The following CLVS1 variants were observed in gnomAD, a reference collection of about 807,000 sequenced individuals.
CLVS1 encodes clavesin-1.
CLVS1 carries 10 observed loss-of-function variants against 33.1 expected under a neutral mutation model. That is an observed-to-expected ratio of 0.30 (90% CI 0.19 to 0.51). CLVS1 has a LOEUF of 0.51. CLVS1 is among the 20% of genes least tolerant of loss of function. CLVS1 has a pLI of 0.97. For synonymous variants in CLVS1, 163 were observed against 166.1 expected, an observed-to-expected ratio of 0.98 and a Z score of 0.14; for missense variants, 343 against 433.4, an observed-to-expected ratio of 0.79 and a Z score of 1.85.
the CLVS1 span, among the ~76,000 whole-genome samples, chr8:60,972,892 A>G: frequency 2.0e-5 from 3 of 152,194 alleles, no homozygotes; most frequent in Non-Finnish European, 2.9e-5. Flanking sequence ...AACTCTCTCT[A>G]TTGCAATTCC....
At chr8:61,459,736 C>T (rs1433445839) in intron 5 of CLVS1, among the ~76,000 whole-genome samples, 7 of 152,172 alleles carry the variant, frequency 4.6e-5, no homozygotes, top group Admixed American at 3.9e-4. Context: ...TACATCTATA[C>T]ACACCCATAA....
upstream of CLVS1, among the ~76,000 whole-genome samples, chr8:61,283,046 G>A (rs71525447): frequency 7.7e-3 from 1,176 of 152,298 alleles, 9 homozygotes; most frequent in Non-Finnish European, 0.012. Context: ...TCCTCCAGAG[G>A]AGTACTGGTC....
intron 2 of CLVS1, among the ~76,000 whole-genome samples, chr8:61,180,087 C>T (rs1317082890): frequency 6.6e-6 from 1 of 151,742 alleles, no homozygotes; most frequent in Non-Finnish European, 1.5e-5. Context: ...ATAGATAGAC[C>T]ACTAGGTAGA....
intron 3 of CLVS1, among the ~76,000 whole-genome samples, chr8:61,441,205 T>C (rs995083738): frequency 6.6e-6 from 1 of 152,186 alleles, no homozygotes; most frequent in Non-Finnish European, 1.5e-5. Flanking sequence ...ACTGAATAGA[T>C]AAAGCCTAAC....
the CLVS1 span, among the ~76,000 whole-genome samples, chr8:61,019,169 G>A: frequency 2.0e-5 from 3 of 152,344 alleles, no homozygotes; most frequent in East Asian, 5.8e-4. Context: ...AAAGTCAGCT[G>A]GGCTTCTAAA....
Position 61,214,212 on chromosome 8 carries a change from G to A in CLVS1, c.-152+82352G>A, listed in dbSNP as rs980410201. Among the ~76,000 whole-genome samples, 11 of 152,126 alleles carry A rather than the reference G, an allele frequency of 7.2e-5. No homozygotes were observed. The East Asian group carries it at 1.7e-3, about 24-fold the overall frequency. On this transcript the variant is annotated intron_variant, in intron 2 of 2. Transcript: ENST00000522621. Reference sequence around the variant, plus strand: ...CTCGGTCCTGTGGTCCTGTGATCTCGCCCTGCCTCCACTTGCCTTGTGATA... The same window carrying A: ...CTCGGTCCTGTGGTCCTGTGATCTCACCCTGCCTCCACTTGCCTTGTGATA...
rs186101387 is a variant in CLVS1, at chr8:61,439,344, T to C, written c.631-14797T>C. ...TAACCATAATGTATTTGGTATTTAA[T>C]AGTCAAACATAAACCCTTTTTAAGG... On this transcript the variant is annotated intron_variant, in intron 3 of 5. Coordinates refer to ENST00000325897, the MANE Select transcript of CLVS1 (RefSeq NM_173519.3). Among the ~76,000 whole-genome samples, 303 of 152,334 alleles carry C rather than the reference T, an allele frequency of 2.0e-3. 1 individual carries two copies. The highest frequency in any genetic ancestry group is 6.8e-3 in the African/African-American group (281 of 41,586).
chr8:61,488,282 T>TATA, intron 5 of CLVS1, among the ~76,000 whole-genome samples: 1 of 152,224 alleles, frequency 6.6e-6, no homozygotes. Flanking sequence ...CTAAGGCTTC[T>TATA]ATACATCTCA....
chr8:61,293,554 G>T (rs1053144147), intron 1 of CLVS1, among the ~76,000 whole-genome samples: 8 of 152,066 alleles, frequency 5.3e-5, no homozygotes, highest in East Asian at 3.9e-4. Context: ...CACTTAAAAA[G>T]AAATATTTTT....
intron 3 of CLVS1, chr8:61,377,381 A>G (rs1214653315): frequency 2.0e-5 from 3 of 152,230 alleles, no homozygotes; most frequent in Non-Finnish European, 4.4e-5. Context: ...ATGAGAAGTA[A>G]CTCAGAAAGG....
chr8:61,386,808 T>C (rs946439691), intron 3 of CLVS1, among the ~76,000 whole-genome samples: 5 of 152,072 alleles, frequency 3.3e-5, no homozygotes, highest in African/African-American at 1.2e-4. Context: ...CCTATTAGTC[T>C]GGCACTTAAA....
intron 2 of CLVS1, among the ~76,000 whole-genome samples, chr8:61,352,241 A>T (rs1443185386): frequency 6.6e-6 from 1 of 152,034 alleles, no homozygotes; most frequent in Admixed American, 6.6e-5. Flanking sequence ...GCCTAGAGCA[A>T]TCACTATGAA....
intron 2 of CLVS1, among the ~76,000 whole-genome samples, chr8:61,316,466 T>C (rs898992193): frequency 3.3e-5 from 5 of 152,194 alleles, no homozygotes; most frequent in African/African-American, 1.2e-4. Flanking sequence ...AAGAGTATAA[T>C]TCTGTGGCAT....
intron 2 of CLVS1, among the ~76,000 whole-genome samples, chr8:61,184,572 A>G (rs557165898): frequency 1.8e-4 from 27 of 152,208 alleles, no homozygotes; most frequent in Admixed American, 1.8e-3. Context: ...CCTGTGGGGC[A>G]CTAGACTGTC....
chr8:61,419,777 G>A (rs1034932791), intron 3 of CLVS1, among the ~76,000 whole-genome samples: 1 of 152,204 alleles, frequency 6.6e-6, no homozygotes, highest in South Asian at 2.1e-4. Flanking sequence ...ATAGCGTCCT[G>A]ATTCCAGATG....
At chr8:61,198,993 T>C (rs1425472650) in intron 2 of CLVS1, among the ~76,000 whole-genome samples, 1 of 152,212 alleles carries the variant, frequency 6.6e-6, no homozygotes, top group Non-Finnish European at 1.5e-5. Flanking sequence ...GTTAATTCTA[T>C]ATCTTTACAA....
At chr8:61,292,572 T>C in intron 1 of CLVS1, 1 of 331,526 alleles carries the variant, frequency 3.0e-6, no homozygotes, top group African/African-American at 2.1e-5. Flanking sequence ...TTTGTTTGTT[T>C]GTTTTCCTTT....
intron 3 of CLVS1, among the ~76,000 whole-genome samples, chr8:61,402,713 T>A (rs1299226725): frequency 6.6e-6 from 1 of 152,226 alleles, no homozygotes; most frequent in African/African-American, 2.4e-5. Context: ...AGAATCCATG[T>A]GCTCAAGGAA....
chr8:61,440,884 T>G (rs1012765573), intron 3 of CLVS1, among the ~76,000 whole-genome samples: 2 of 152,064 alleles, frequency 1.3e-5, no homozygotes, highest in African/African-American at 4.8e-5. Context: ...AGATACGGAG[T>G]GGTTGCCCAG....
Sources: gnomAD v4.1 joint callset for allele counts (sites outside exome capture counted in the v4.1 genomes callset) on GRCh38, gnomAD v4.1.1 for gene constraint, MANE v1.5 for transcripts, NCBI Gene and HGNC (gene_info 2026-07-23, HGNC 2026-07-21) for gene names.